The following RSF1 variants were observed in gnomAD, a reference collection of about 807,000 sequenced individuals.
RSF1 encodes remodeling and spacing factor 1, also known as HBV pX-associated protein 8.
A neutral mutation model predicts 145.2 loss-of-function variants in RSF1; 13 were observed. That is an observed-to-expected ratio of 0.09 (90% CI 0.06 to 0.14). The LOEUF is 0.14. RSF1 is among the 10% of genes least tolerant of loss of function. The pLI, the probability that RSF1 is intolerant of heterozygous loss-of-function variation, is 1.00. For synonymous variants in RSF1, 577 were observed against 592.6 expected, an observed-to-expected ratio of 0.97 and a Z score of 0.38; for missense variants, 1,517 against 1,718.2, an observed-to-expected ratio of 0.88 and a Z score of 2.07.
intron 1 of RSF1, among the ~76,000 whole-genome samples, chr11:77,782,581 C>G (rs747753314): frequency 2.0e-5 from 3 of 151,248 alleles, no homozygotes; most frequent in Admixed American, 2.0e-4. Context: ...CTACTGCCCA[C>G]AAGGGCTGTA....
intron 5 of RSF1, among the ~76,000 whole-genome samples, chr11:77,715,264 G>A (rs369726275): frequency 7.9e-5 from 12 of 152,190 alleles, no homozygotes; most frequent in African/African-American, 2.9e-4. Context: ...AAACGTCAAT[G>A]TATTTCCTGT....
chr11:77,814,899 T>A (rs963211819), intron 1 of RSF1, among the ~76,000 whole-genome samples: 19 of 152,356 alleles, frequency 1.2e-4, no homozygotes, highest in Middle Eastern at 6.8e-3. Context: ...GGTTTTTTTT[T>A]AATTTCAGTG....
chr11:77,740,645 T>C (rs1961487075), intron 4 of RSF1, 86 bp downstream of exon 4: 2 of 1,289,010 alleles, frequency 1.6e-6, no homozygotes, highest in Non-Finnish European at 1.1e-6. Flanking sequence ...AAACCACTTC[T>C]GTCTGATAGA....
the RSF1 span, among the ~76,000 whole-genome samples, chr11:77,834,980 T>C: frequency 6.6e-6 from 1 of 152,128 alleles, no homozygotes; most frequent in East Asian, 1.9e-4. Flanking sequence ...ATCCATATTT[T>C]TATAAAAAAA....
the RSF1 span, among the ~76,000 whole-genome samples, chr11:77,864,906 G>A: frequency 1.3e-5 from 2 of 152,176 alleles, no homozygotes; most frequent in Non-Finnish European, 2.9e-5. Flanking sequence ...GGGCCTGGGA[G>A]ATTGAGGCTG....
chr11:77,820,799 A>C, upstream of RSF1: 1 of 1,380,356 alleles, frequency 7.2e-7, no homozygotes, highest in Admixed American at 2.5e-5. Context: ...CTTACAGACG[A>C]CAGGAGGCGC....
chr11:77,780,084 T>C (rs929039136), intron 1 of RSF1, among the ~76,000 whole-genome samples: 9 of 152,212 alleles, frequency 5.9e-5, no homozygotes, highest in Non-Finnish European at 8.8e-5. Context: ...TCACATTGTA[T>C]CATAAATGCC....
At chr11:77,694,653 T>A (rs1960239337) in intron 7 of RSF1, among the ~76,000 whole-genome samples, 1 of 152,226 alleles carries the variant, frequency 6.6e-6, no homozygotes, top group South Asian at 2.1e-4. Context: ...CTATGGTACA[T>A]TTATCAAAAC....
At chr11:77,761,306 T>G (rs943816702) in intron 2 of RSF1, among the ~76,000 whole-genome samples, 1 of 152,212 alleles carries the variant, frequency 6.6e-6, no homozygotes, top group Non-Finnish European at 1.5e-5. Context: ...TACTTTCTGC[T>G]TATTCTAAGA....
the RSF1 span, among the ~76,000 whole-genome samples, chr11:77,870,885 C>T: frequency 6.6e-6 from 1 of 152,090 alleles, no homozygotes; most frequent in Non-Finnish European, 1.5e-5. Flanking sequence ...AACTTTTTCC[C>T]CCACTTACAT....
Position 77,725,626 on chromosome 11 carries a change from T to C in RSF1, c.652A>G (p.Ser218Gly), listed in dbSNP as rs769805789. Residue 218 changes from serine to glycine, a missense_variant, in exon 5 of 16, where the codon AGC becomes GGC. This residue lies in a region of RSF1 where 207 missense variants were observed against 191.4 expected (regional missense o/e 1.08). Coordinates refer to ENST00000308488, the MANE Select transcript of RSF1 (RefSeq NM_016578.4). ...QIDPVLLKNS[S>G]QQDNSSRESP... ...TCCCGAGAAGAGTTGTCTTGTTGGC[T>C]AGAGTTTTTCAATAGTACAGGATCA... 1.9e-5 allele frequency: 31 copies of C among 1,612,508 alleles called. No homozygotes were observed. In the South Asian group the frequency reaches 3.3e-4, roughly 17 times the overall value.
the RSF1 span, among the ~76,000 whole-genome samples, chr11:77,845,936 C>T: frequency 6.6e-6 from 1 of 152,112 alleles, no homozygotes; most frequent in Non-Finnish European, 1.5e-5. Flanking sequence ...CTGTTTCCCC[C>T]AATCCCCATA....
chr11:77,864,221 C>T, the RSF1 span, among the ~76,000 whole-genome samples: 1 of 152,150 alleles, frequency 6.6e-6, no homozygotes, highest in East Asian at 1.9e-4. Flanking sequence ...GCCACCGCTC[C>T]TGGCCAAGAT....
intron 1 of RSF1, among the ~76,000 whole-genome samples, chr11:77,809,945 G>A (rs1177174298): frequency 1.3e-5 from 2 of 152,164 alleles, no homozygotes; most frequent in Admixed American, 6.5e-5. Flanking sequence ...AGGACAAAAG[G>A]AAAAGAGTAA....
At chr11:77,679,371 C>T (rs906475944) in intron 11 of RSF1, among the ~76,000 whole-genome samples, 2 of 152,166 alleles carry the variant, frequency 1.3e-5, no homozygotes, top group African/African-American at 4.8e-5. Context: ...TCCATAAATA[C>T]TATTAAGTCC....
At chr11:77,702,551 A>G (rs764940271) in intron 5 of RSF1, 56 bp from the exon 6 acceptor site, 9 of 1,210,872 alleles carry the variant, frequency 7.4e-6, no homozygotes, top group Non-Finnish European at 9.0e-6. Context: ...GCTATAAAAT[A>G]TAAGACTTAG....
chr11:77,724,902 G>A (rs752051941), intron 5 of RSF1, among the ~76,000 whole-genome samples: 5 of 152,170 alleles, frequency 3.3e-5, no homozygotes, highest in African/African-American at 7.2e-5. Context: ...TTACAGACTG[G>A]TACTACTCCT....
the RSF1 span, among the ~76,000 whole-genome samples, chr11:77,856,050 C>A: frequency 1.3e-5 from 2 of 152,066 alleles, no homozygotes; most frequent in Non-Finnish European, 2.9e-5. Context: ...GCCCAGGAGG[C>A]AGAGTTGCAG....
chr11:77,848,603 G>A, the RSF1 span, among the ~76,000 whole-genome samples: 2 of 152,106 alleles, frequency 1.3e-5, no homozygotes, highest in Non-Finnish European at 2.9e-5. Flanking sequence ...CAGGTGATCC[G>A]CCTGCTTTGA....
Sources: allele counts gnomAD v4.1 joint callset (sites outside exome capture counted in the v4.1 genomes callset), GRCh38; gene constraint gnomAD v4.1.1; regional missense constraint gnomAD v4.1.1; transcripts MANE v1.5; gene names NCBI Gene and HGNC (gene_info 2026-07-23, HGNC 2026-07-21).